The following TIAM2 variants were observed in gnomAD, a reference collection of about 807,000 sequenced individuals.
TIAM2 encodes the protein rho guanine nucleotide exchange factor TIAM2.
In TIAM2, 80 loss-of-function variants were observed where a neutral mutation model predicts 152.9. The observed-to-expected ratio is 0.52, with a 90% CI of 0.44 to 0.63. The LOEUF is 0.63. Ranked by LOEUF, TIAM2 falls within the 30% of genes least tolerant of loss-of-function variation. TIAM2 has a pLI of 0.00. For synonymous variants in TIAM2, 804 were observed against 838.0 expected, an observed-to-expected ratio of 0.96 and a Z score of 0.70; for missense variants, 1,965 against 2,120.1, an observed-to-expected ratio of 0.93 and a Z score of 1.44.
At chr6:155,028,887 A>G (rs1776714553) in intron 1 of TIAM2, among the ~76,000 whole-genome samples, 1 of 116,006 alleles carries the variant, frequency 8.6e-6, no homozygotes, top group Admixed American at 1.0e-4. Context: ...TGTTATATAT[A>G]CACTGTATAT....
chr6:155,235,561 A>G lies in TIAM2; in HGVS notation c.3169-4969A>G, dbSNP rs540741799. On this transcript the variant is annotated intron_variant, in intron 15 of 26. Coordinates refer to ENST00000682666, the MANE Select transcript of TIAM2 (RefSeq NM_012454.4). ...GGGTGAACTGAAATGTAATCACCCAAGTGACTCCTTCAGCTACAATCTGAA... is the reference window on the plus strand; with the variant it reads ...GGGTGAACTGAAATGTAATCACCCAGGTGACTCCTTCAGCTACAATCTGAA... Among the ~76,000 whole-genome samples the G allele has an allele frequency of 5.3e-5, 8 of 152,370 alleles. No homozygotes were observed. In the East Asian group the frequency reaches 1.5e-3, roughly 29 times the overall value.
chr6:155,096,068 A>T (rs1344361654), intron 2 of TIAM2, among the ~76,000 whole-genome samples: 1 of 152,320 alleles, frequency 6.6e-6, no homozygotes, highest in East Asian at 1.9e-4. Context: ...TAAAAGTATT[A>T]TCCGTTACTC....
At chr6:155,151,979 G>A (rs1779981866) in intron 7 of TIAM2, among the ~76,000 whole-genome samples, 1 of 151,524 alleles carries the variant, frequency 6.6e-6, no homozygotes, top group Non-Finnish European at 1.5e-5. Flanking sequence ...TGAGTAGCTG[G>A]GATTACAGGC....
At chr6:155,083,817 A>G (rs149927668) in intron 1 of TIAM2, among the ~76,000 whole-genome samples, 21 of 152,344 alleles carry the variant, frequency 1.4e-4, no homozygotes, top group African/African-American at 4.6e-4. Context: ...TATTTCCAGA[A>G]GTAAAGTCTT....
At position 155,156,756 on chromosome 6, in the gene TIAM2, A is replaced by C. The variant is rs1258045996; in HGVS notation, c.2029-7659A>C. Among the ~76,000 whole-genome samples the C allele has an allele frequency of 1.3e-5, 2 of 152,230 alleles. No individual in the cohort carries two copies. Among genetic ancestry groups the C allele is most frequent in the Non-Finnish European group, 2.9e-5 (2 of 68,040 alleles). Reference sequence around the variant, plus strand: ...ATAACCTCTCCCCACCTTGACCTTTATCTGCAACTCCCTGAGCCCACCCTT... The same window carrying C: ...ATAACCTCTCCCCACCTTGACCTTTCTCTGCAACTCCCTGAGCCCACCCTT... On this transcript the variant is annotated intron_variant, in intron 7 of 26. Coordinates refer to ENST00000682666, the MANE Select transcript of TIAM2 (RefSeq NM_012454.4). The surrounding 1 kb of genome is among the most constrained non-coding windows in gnomAD (Gnocchi z 4.4).
chr6:155,011,151 A>C (rs1327935917), intron 1 of TIAM2, among the ~76,000 whole-genome samples: 1 of 152,184 alleles, frequency 6.6e-6, no homozygotes, highest in African/African-American at 2.4e-5. Context: ...AAACCAAGCC[A>C]AACCAAAGGG....
rs563927226 is a variant in TIAM2 at position 155,068,261 on chromosome 6, T to C, written c.-208-22028T>C. ...GGAGCCTCTCTGCATCAATGAATGC[T>C]AAAGGCAAAAAACTCTCTACCCACC... On this transcript the variant is annotated intron_variant, in intron 1 of 26. Transcript: ENST00000682666. Among the ~76,000 whole-genome samples, 272 of 152,286 alleles carry C rather than the reference T, an allele frequency of 1.8e-3. 1 individual carries two copies. The highest frequency in any genetic ancestry group is 6.2e-3 in the African/African-American group (256 of 41,582).
At chr6:155,012,184 GT>G (rs1350736608) in intron 1 of TIAM2, among the ~76,000 whole-genome samples, 1 of 152,148 alleles carries the variant, frequency 6.6e-6, no homozygotes, top group Non-Finnish European at 1.5e-5. Flanking sequence ...ATTACAAACA[GT>G]TTATGTTCAA....
intron 1 of TIAM2, among the ~76,000 whole-genome samples, chr6:155,062,353 CTAGGAG>C (rs1777601568): frequency 6.6e-6 from 1 of 151,762 alleles, no homozygotes; most frequent in Admixed American, 6.6e-5. Flanking sequence ...GGGTAAATAC[CTAGGAG>C]TAGAATTGTT....
intron 7 of TIAM2, among the ~76,000 whole-genome samples, chr6:155,161,736 GT>G (rs34121325): frequency 0.48 from 70,985 of 147,426 alleles, 17,156 homozygotes; most frequent in Middle Eastern, 0.57. Context: ...CCTGGCTAAT[GT>G]TTTTTTTTTT....
chr6:155,202,974 G>A (rs1299994352), intron 14 of TIAM2, among the ~76,000 whole-genome samples: 1 of 149,640 alleles, frequency 6.7e-6, no homozygotes, highest in African/African-American at 2.5e-5. Context: ...AATTACACCT[G>A]GGAGGCGGAG....
At chr6:155,028,019 G>A (rs1776649107) in intron 1 of TIAM2, among the ~76,000 whole-genome samples, 1 of 125,414 alleles carries the variant, frequency 8.0e-6, no homozygotes. Flanking sequence ...TATGTACTGT[G>A]TTATATACTA....
chr6:155,109,472 T>C (rs1211089912), intron 2 of TIAM2, among the ~76,000 whole-genome samples: 1 of 152,204 alleles, frequency 6.6e-6, no homozygotes, highest in Non-Finnish European at 1.5e-5. Context: ...AGCAGCAGTA[T>C]TAAAAACAGT....
At chr6:155,069,634 C>G (rs957946140) in intron 1 of TIAM2, among the ~76,000 whole-genome samples, 3 of 152,060 alleles carry the variant, frequency 2.0e-5, no homozygotes, top group African/African-American at 7.2e-5. Flanking sequence ...AAAGCTTGAT[C>G]ATTGTATACA....
At chr6:155,134,149 T>TTGTGTGTG (rs141378887) in intron 4 of TIAM2, among the ~76,000 whole-genome samples, 1 of 150,424 alleles carries the variant, frequency 6.6e-6, no homozygotes, top group Non-Finnish European at 1.5e-5. Flanking sequence ...ATCGTATGAT[T>TTGTGTGTG]TGTGTGTGTG....
intron 7 of TIAM2, among the ~76,000 whole-genome samples, chr6:155,155,339 G>A (rs1291160468): frequency 6.6e-6 from 1 of 151,988 alleles, no homozygotes; most frequent in Non-Finnish European, 1.5e-5. Flanking sequence ...ACTACGTCCT[G>A]GTAATTTTTG....
intron 2 of TIAM2, among the ~76,000 whole-genome samples, chr6:155,107,626 G>T (rs892761307): frequency 6.6e-6 from 1 of 152,150 alleles, no homozygotes; most frequent in Non-Finnish European, 1.5e-5. Context: ...TTAATTTTTA[G>T]CTGAGTGGGC....
chr6:155,121,064 C>T (rs1007199241), intron 2 of TIAM2, among the ~76,000 whole-genome samples: 5 of 151,856 alleles, frequency 3.3e-5, no homozygotes, highest in African/African-American at 9.7e-5. Flanking sequence ...AGGAATTGAT[C>T]AAAATGAAAT....
At position 155,256,486 on chromosome 6, in the gene TIAM2, T is replaced by C; in HGVS notation, c.4471T>C (p.Ser1491Pro). Reference protein sequence around the residue: ...NRVPVSAKLASSRSLKVLKNS... With the variant: ...NRVPVSAKLAPSRSLKVLKNS... ...GAAATGTGTTTTTCTCACTGTAGCT[T>C]CATCCAGGTCTTTAAAAGTCCTGAA... is the stretch of plus-strand genomic sequence containing the variant. The change falls in exon 27 of 27, where the codon TCA (serine) becomes CCA (proline). Residue 1491 changes from serine (S) to proline (P), a missense_variant and splice_region_variant. Around this residue, in one of 3 missense-constraint regions of TIAM2, gnomAD observed 935 missense variants for 980.0 expected, o/e 0.95. Transcript: ENST00000682666. The C allele has an allele frequency of 1.2e-6, 2 of 1,614,170 alleles. No homozygotes were observed. Among genetic ancestry groups the C allele is most frequent in the East Asian group, 4.5e-5 (2 of 44,880 alleles).
Sources: gnomAD v4.1 joint callset for allele counts (sites outside exome capture counted in the v4.1 genomes callset) on GRCh38, gnomAD v4.1.1 for gene constraint, gnomAD v4.1.1 regional missense constraint, Gnocchi (gnomAD v3.1) non-coding constraint, MANE v1.5 for transcripts, NCBI Gene and HGNC (gene_info 2026-07-23, HGNC 2026-07-21) for gene names.